The following SLC12A2 variants were observed in gnomAD, a reference collection of about 807,000 sequenced individuals.
SLC12A2 encodes Na-K-2Cl cotransporter 1.
A neutral mutation model predicts 136.3 loss-of-function variants in SLC12A2; 67 were observed. The ratio of observed to expected loss-of-function variants is 0.49; its 90% confidence interval spans 0.40 to 0.60. SLC12A2 has a LOEUF of 0.60. Among genes scored for constraint, SLC12A2 ranks in the 20% least tolerant of loss-of-function variants. The pLI, the probability that SLC12A2 is intolerant of heterozygous loss-of-function variation, is 0.00. For synonymous variants in SLC12A2, 619 were observed against 562.9 expected (o/e 1.10, Z -1.41); for missense variants, 1,322 against 1,534.7 (o/e 0.86, Z 2.32).
At chr5:128,151,618 G>T (rs1762705789) in intron 14 of SLC12A2, among the ~76,000 whole-genome samples, 1 of 148,852 alleles carries the variant, frequency 6.7e-6, no homozygotes. Flanking sequence ...TTTTTATTCT[G>T]GTTTCCATTC....
chr5:128,102,951 C>G (rs1238114588), intron 1 of SLC12A2, among the ~76,000 whole-genome samples: 1 of 152,056 alleles, frequency 6.6e-6, no homozygotes, highest in East Asian at 1.9e-4. Flanking sequence ...TTGCTATTTT[C>G]TTCGATTGTA....
intron 4 of SLC12A2, among the ~76,000 whole-genome samples, chr5:128,123,829 C>CTT (rs1416134479): frequency 1.3e-5 from 2 of 152,008 alleles, no homozygotes; most frequent in Non-Finnish European, 2.9e-5. Context: ...TTGGATTGTG[C>CTT]TTTTGGAATG....
At chr5:128,179,484 C>G (rs1326100166) in intron 22 of SLC12A2, among the ~76,000 whole-genome samples, 3 of 152,120 alleles carry the variant, frequency 2.0e-5, no homozygotes, top group Non-Finnish European at 4.4e-5. Context: ...TGGGTAGTTT[C>G]TAAAGAAAAG....
At chr5:128,139,750 T>C (rs980948151) in intron 9 of SLC12A2, among the ~76,000 whole-genome samples, 2 of 152,226 alleles carry the variant, frequency 1.3e-5, no homozygotes, top group Non-Finnish European at 2.9e-5. Context: ...AAGTAAATCT[T>C]AGTTTAATAC....
rs1281887994 is a variant in SLC12A2, at chr5:128,084,297, C to G, written c.343C>G (p.Gln115Glu). The G allele has an allele frequency of 6.7e-7, 1 of 1,499,946 alleles. No individual in the cohort carries two copies. The highest frequency in any genetic ancestry group is 2.5e-5 in the East Asian group (1 of 40,714). 92.9% of individuals were successfully genotyped at this position (1,499,946 alleles called of 1,614,324 possible). The change falls in exon 1 of 27, where the codon CAG becomes GAG. Residue 115 changes from glutamine to glutamate, a missense_variant. Gln to Glu is a conservative substitution (Grantham distance 29, BLOSUM62 2). Around this residue, in one of 8 missense-constraint regions of SLC12A2, gnomAD observed 358 missense variants for 299.7 expected, o/e 1.19. Coordinates refer to ENST00000262461, the MANE Select transcript of SLC12A2 (RefSeq NM_001046.3). The surrounding 1 kb of genome is among the most constrained non-coding windows in gnomAD (Gnocchi z 5.6). ...AAAGAGAGAK[Q>E]TPADGEASGE... ...GGCTGGTGCTGGGGCGGGGGCCAAG[C>G]AGACCCCCGCGGACGGGGAAGCCAG...
In SLC12A2 at chr5:128,188,536, AC is replaced by A. The variant is rs917924297; in HGVS notation, c.*1908del. On this transcript the variant is annotated 3_prime_UTR_variant, in exon 27 of 27. Transcript: ENST00000262461. ...TGTCTATCTCTTGACCTTGTGATCC[AC>A]CCGCCTCAGCCTCCCAGAGTGCTGG... is the stretch of plus-strand genomic sequence containing the variant. 2 of 148,980 alleles carry A rather than the reference AC, an allele frequency of 1.3e-5. No individual in the cohort carries two copies. The highest frequency in any genetic ancestry group is 3.0e-5 in the Non-Finnish European group (2 of 66,904). The allele number at this position is 148,980 out of a possible 1,614,324, so 9.2% of individuals were successfully genotyped here.
In SLC12A2 at chr5:128,138,590, T is replaced by A. The variant is rs754265750; in HGVS notation, c.1409-7T>A. ...ATTAATTGTCAAGAATATTTTGTTC[T>A]CTGCAGCTGAAATATTTAATGAGAA... On this transcript the variant is annotated splice_region_variant and splice_polypyrimidine_tract_variant and intron_variant, in intron 7 of 26. Coordinates refer to ENST00000262461, the MANE Select transcript of SLC12A2 (RefSeq NM_001046.3). 3 of 1,603,386 alleles carry A rather than the reference T, an allele frequency of 1.9e-6. No individual in the cohort carries two copies. The highest frequency in any genetic ancestry group is 1.7e-4 in the Middle Eastern group (1 of 5,976).
In SLC12A2 at chr5:128,166,201, A is replaced by G. The variant is rs560524882; in HGVS notation, c.2617-1560A>G. 5.3e-5 allele frequency among the ~76,000 whole-genome samples: 8 copies of G among 152,240 alleles called. No individual in the cohort carries two copies. In the South Asian group the frequency reaches 1.7e-3, roughly 32 times the overall value. ...TTTTTTTCAAAAAATGACATATGTC[A>G]CAAATAATCCTATGTGTGACCTCAC... On this transcript the variant is annotated intron_variant, in intron 17 of 26. Transcript: ENST00000262461.
Position 128,174,604 on chromosome 5 carries a change from A to G in SLC12A2, c.2867A>G (p.Tyr956Cys), listed in dbSNP as rs377004430. 6.2e-7 allele frequency: 1 copy of G among 1,609,516 alleles called. No homozygotes were observed. Among genetic ancestry groups the G allele is most frequent in the East Asian group, 2.2e-5 (1 of 44,602 alleles). ...AAGGATGTGGTAGTAAGTGTGGAAT[A>G]TAGTAAAAAGTCCGATTTAGATACT... The part of the protein sequence containing the change: ...GTKDVVVSVE[Y>C]SKKSDLDTSK... The change falls in exon 20 of 27, where the codon TAT becomes TGT. Residue 956 changes from tyrosine to cysteine, a missense_variant. Around this residue, in one of 8 missense-constraint regions of SLC12A2, gnomAD observed 226 missense variants for 210.4 expected, o/e 1.07. Coordinates refer to ENST00000262461, the MANE Select transcript of SLC12A2 (RefSeq NM_001046.3).
Position 128,187,025 on chromosome 5 carries a change from A to G in SLC12A2, c.*394A>G, listed in dbSNP as rs952694851. 5.1e-5 allele frequency: 8 copies of G among 156,030 alleles called. No homozygotes were observed. The highest frequency in any genetic ancestry group is 1.9e-4 in the African/African-American group (7 of 37,090). 9.7% of individuals were successfully genotyped at this position (156,030 alleles called of 1,614,324 possible). On this transcript the variant is annotated 3_prime_UTR_variant, in exon 27 of 27. Transcript: ENST00000262461. ...CTTTTATAAACTTATAGAATGTCAA[A>G]CTTTGCCTTCAACTGTTTTTATTTC...
intron 21 of SLC12A2, 117 bp downstream of exon 21, chr5:128,177,269 C>T: frequency 1.5e-6 from 1 of 682,658 alleles, no homozygotes; most frequent in Non-Finnish European, 2.4e-6. Flanking sequence ...GGTAATGTTA[C>T]AGTTCTATAA....
intron 4 of SLC12A2, among the ~76,000 whole-genome samples, chr5:128,123,980 C>T (rs1402798356): frequency 6.6e-6 from 1 of 152,132 alleles, no homozygotes; most frequent in Non-Finnish European, 1.5e-5. Context: ...AAATGTGAAT[C>T]AGTATTCATA....
Position 128,178,602 on chromosome 5 carries a change from G to A in SLC12A2, c.3013G>A (p.Asp1005Asn), listed in dbSNP as rs1423956490. 6 of 1,599,762 alleles carry A rather than the reference G, an allele frequency of 3.8e-6. No individual in the cohort carries two copies. Among genetic ancestry groups the A allele is most frequent in the Non-Finnish European group, 5.1e-6 (6 of 1,173,390 alleles). ...KGPIVPLNVA[D>N]QKLLEASTQF... ...CCCTATTGTGCCTTTAAATGTAGCTGACCAAAAGCTTCTTGAAGCTAGTAC... is the reference window on the plus strand; with the variant it reads ...CCCTATTGTGCCTTTAAATGTAGCTAACCAAAAGCTTCTTGAAGCTAGTAC... The change falls in exon 22 of 27, where the codon GAC (aspartate) becomes AAC (asparagine). Residue 1005 changes from aspartate (D) to asparagine (N), a missense_variant. Physicochemically the swap from Asp to Asn is conservative, Grantham distance 23. Around this residue, in one of 8 missense-constraint regions of SLC12A2, gnomAD observed 226 missense variants for 210.4 expected, o/e 1.07. Coordinates refer to ENST00000262461, the MANE Select transcript of SLC12A2 (RefSeq NM_001046.3).
chr5:128,084,149 G>A lies in SLC12A2; in HGVS notation c.195G>A (p.Gly65=), dbSNP rs2126628181. 7.7e-7 allele frequency: 1 copy of A among 1,295,310 alleles called. No individual in the cohort carries two copies. Among genetic ancestry groups the A allele is most frequent in the Non-Finnish European group, 9.7e-7 (1 of 1,028,056 alleles). The allele number at this position is 1,295,310 out of a possible 1,614,324, so 80.2% of individuals were successfully genotyped here. Residue 65 remains glycine, a synonymous_variant, in exon 1 of 27, where the codon GGG becomes GGA. Transcript: ENST00000262461. This position sits in a 1 kb window ranked among gnomAD's most constrained non-coding sequence, Gnocchi z 5.6. ...GVRDEGPAAA[G]DGLGRPLGPT... ...GCGATGAGGGCCCCGCGGCGGCCGG[G>A]GACGGGCTGGGCAGACCCTTGGGGC...
Position 128,158,146 on chromosome 5 carries a change from C to T in SLC12A2, c.2457C>T (p.Ile819=), listed in dbSNP as rs1201437886. The T allele has an allele frequency of 6.2e-7, 1 of 1,612,682 alleles. No homozygotes were observed. The highest frequency in any genetic ancestry group is 1.7e-5 in the Admixed American group (1 of 59,848). ...TCACAAAAAATGTTGGTTTGATGATCTGTGGCCATGTACATATGGTAAGTA... is the reference window on the plus strand; with the variant it reads ...TCACAAAAAATGTTGGTTTGATGATTTGTGGCCATGTACATATGGTAAGTA... ...HDFTKNVGLM[I]CGHVHMGPRR... The change falls in exon 16 of 27, where the codon ATC becomes ATT. Residue 819 remains isoleucine (I), a synonymous_variant. Transcript: ENST00000262461.
At chr5:128,123,209 A>G (rs1761653795) in intron 4 of SLC12A2, among the ~76,000 whole-genome samples, 1 of 152,134 alleles carries the variant, frequency 6.6e-6, no homozygotes, top group African/African-American at 2.4e-5. Flanking sequence ...GTGATCATTC[A>G]CAATAAGATA....
intron 15 of SLC12A2, among the ~76,000 whole-genome samples, chr5:128,154,360 T>C (rs1329382056): frequency 1.3e-5 from 2 of 151,554 alleles, no homozygotes; most frequent in Non-Finnish European, 2.9e-5. Context: ...TAGGCTATAG[T>C]GAGCCATGAT....
chr5:128,127,883 G>GT (rs750061894), intron 4 of SLC12A2, among the ~76,000 whole-genome samples: 81 of 150,984 alleles, frequency 5.4e-4, no homozygotes, highest in Non-Finnish European at 9.6e-4. Context: ...TCTTCTTACT[G>GT]TTTTTTCCAT....
At chr5:128,171,310 T>G (rs1763369026) in intron 18 of SLC12A2, among the ~76,000 whole-genome samples, 2 of 152,172 alleles carry the variant, frequency 1.3e-5, no homozygotes, top group African/African-American at 4.8e-5. Context: ...GTATTTCTCT[T>G]GGTTTTAATG....
Sources: gnomAD v4.1 joint callset for allele counts (sites outside exome capture counted in the v4.1 genomes callset) on GRCh38, gnomAD v4.1.1 for gene constraint, gnomAD v4.1.1 regional missense constraint, Gnocchi (gnomAD v3.1) non-coding constraint, MANE v1.5 for transcripts, NCBI Gene and HGNC (gene_info 2026-07-23, HGNC 2026-07-21) for gene names.